Variants in LRRC4C observed in about 807,000 individuals in gnomAD.
LRRC4C encodes the protein leucine-rich repeat-containing protein 4C.
A neutral mutation model predicts 33.6 loss-of-function variants in LRRC4C; 5 were observed. The observed-to-expected ratio is 0.15, with a 90% CI of 0.08 to 0.31. The LOEUF is 0.31. Among genes scored for constraint, LRRC4C ranks in the 10% least tolerant of loss-of-function variants. The pLI is 1.00. For synonymous variants in LRRC4C, 329 were observed against 302.0 expected (o/e 1.09, Z -0.93); for missense variants, 560 against 796.7 (o/e 0.70, Z 3.58).
At chr11:40,652,230 A>C (rs1942853522) in intron 2 of LRRC4C, among the ~76,000 whole-genome samples, 1 of 152,178 alleles carries the variant, frequency 6.6e-6, no homozygotes, top group Admixed American at 6.5e-5. Flanking sequence ...GTTGCCTTGC[A>C]TGTAAGCTGC....
chr11:40,434,168 G>C (rs1185037605), intron 3 of LRRC4C, among the ~76,000 whole-genome samples: 1 of 152,088 alleles, frequency 6.6e-6, no homozygotes, highest in Non-Finnish European at 1.5e-5. Context: ...TCTACAAAAT[G>C]TTGATAATAA....
chr11:40,971,055 T>G (rs975408693), intron 1 of LRRC4C, among the ~76,000 whole-genome samples: 4 of 152,134 alleles, frequency 2.6e-5, no homozygotes. Flanking sequence ...TGTCAAAGTT[T>G]GGAAAATTTG....
At chr11:40,381,273 G>C (rs947841018) in intron 3 of LRRC4C, among the ~76,000 whole-genome samples, 6 of 150,846 alleles carry the variant, frequency 4.0e-5, no homozygotes, top group Non-Finnish European at 8.8e-5. Context: ...AGAATGCAAC[G>C]GTGGGGTCAA....
At chr11:41,104,832 T>C (rs185557751) in intron 1 of LRRC4C, among the ~76,000 whole-genome samples, 1 of 151,938 alleles carries the variant, frequency 6.6e-6, no homozygotes, top group Non-Finnish European at 1.5e-5. Flanking sequence ...ACATGCTATG[T>C]GTAAAAAGGT....
At chr11:40,874,024 A>AG (rs1954768799) in intron 2 of LRRC4C, among the ~76,000 whole-genome samples, 1 of 152,212 alleles carries the variant, frequency 6.6e-6, no homozygotes, top group Admixed American at 6.5e-5. Flanking sequence ...TTTTCTCCAG[A>AG]GGGCTAATAC....
intron 2 of LRRC4C, among the ~76,000 whole-genome samples, chr11:40,733,061 G>GTTTTTTTTTTTT (rs544471413): frequency 1.7e-5 from 1 of 57,602 alleles, no homozygotes; most frequent in Non-Finnish European, 3.0e-5. Context: ...TATGAATATA[G>GTTTTTTTTTTTT]TTTTTTTTTT....
intron 1 of LRRC4C, among the ~76,000 whole-genome samples, chr11:41,247,254 T>A (rs1948483686): frequency 6.6e-6 from 1 of 152,246 alleles, no homozygotes; most frequent in Non-Finnish European, 1.5e-5. Flanking sequence ...TTGGCTTTAA[T>A]GTCCTCCTCC....
rs145063708 is a variant in LRRC4C, at chr11:40,343,368, T to G, written c.-269-23647A>C. ...ATATATATATATATACACATAAATA[T>G]TAATTTTTGATTTAGTGGTAAATAT... On this transcript the variant is annotated intron_variant, in intron 3 of 6. Coordinates refer to ENST00000528697, the MANE Select transcript of LRRC4C (RefSeq NM_001258419.2). Among the ~76,000 whole-genome samples the G allele has an allele frequency of 6.8e-3, 1,032 of 152,156 alleles. 7 individuals carry two copies. The highest frequency in any genetic ancestry group is 9.7e-3 in the Non-Finnish European group (656 of 67,972).
chr11:40,759,760 A>G (rs1482880074), intron 2 of LRRC4C, among the ~76,000 whole-genome samples: 1 of 152,020 alleles, frequency 6.6e-6, no homozygotes, highest in Non-Finnish European at 1.5e-5. Flanking sequence ...TATCATGTTG[A>G]TATAATCTTT....
At chr11:40,254,772 GA>G (rs1298506252) in intron 4 of LRRC4C, among the ~76,000 whole-genome samples, 3 of 152,130 alleles carry the variant, frequency 2.0e-5, no homozygotes, top group African/African-American at 7.2e-5. Context: ...GAGAGAGACA[GA>G]AAGAGACAAT....
Position 41,333,282 on chromosome 11 carries a change from T to A in LRRC4C, c.-496+126149A>T, listed in dbSNP as rs147323455. ...CAAAGTAGAACACTTAGCTAAGAGGTCTTGATCTTTTTCTCCCTTAATCAT... is the reference window on the plus strand; with the variant it reads ...CAAAGTAGAACACTTAGCTAAGAGGACTTGATCTTTTTCTCCCTTAATCAT... On this transcript the variant is annotated intron_variant, in intron 1 of 6. Transcript: ENST00000528697. Among the ~76,000 whole-genome samples the A allele has an allele frequency of 2.1e-3, 316 of 152,286 alleles. 1 individual carries two copies. The highest frequency in any genetic ancestry group is 7.1e-3 in the African/African-American group (297 of 41,560).
chr11:40,469,245 G>C (rs1389538853), intron 3 of LRRC4C, among the ~76,000 whole-genome samples: 2 of 152,182 alleles, frequency 1.3e-5, no homozygotes, highest in Non-Finnish European at 1.5e-5. Context: ...CTGAAGCAGG[G>C]TGGGGTGTCA....
At chr11:41,213,255 G>A (rs1946898048) in intron 1 of LRRC4C, among the ~76,000 whole-genome samples, 1 of 152,064 alleles carries the variant, frequency 6.6e-6, no homozygotes, top group Admixed American at 6.6e-5. Flanking sequence ...TTATTATGGG[G>A]TATATGTTAA....
chr11:40,954,963 C>T (rs555656704), intron 1 of LRRC4C, among the ~76,000 whole-genome samples: 52 of 151,936 alleles, frequency 3.4e-4, no homozygotes, highest in African/African-American at 1.2e-3. Context: ...GGACCCACCT[C>T]GTGCTTTTGT....
At chr11:40,944,469 T>C (rs948159431) in intron 1 of LRRC4C, among the ~76,000 whole-genome samples, 4 of 152,222 alleles carry the variant, frequency 2.6e-5, no homozygotes, top group Admixed American at 6.6e-5. Context: ...AAAATGCTTC[T>C]GTCATTGAAA....
chr11:41,373,066 T>A (rs536401992), intron 1 of LRRC4C, among the ~76,000 whole-genome samples: 1 of 152,240 alleles, frequency 6.6e-6, no homozygotes, highest in African/African-American at 2.4e-5. Flanking sequence ...GAAAACCTAA[T>A]AACTTCTTAT....
chr11:41,137,575 A>G (rs1943321195), intron 1 of LRRC4C, among the ~76,000 whole-genome samples: 1 of 152,192 alleles, frequency 6.6e-6, no homozygotes. Flanking sequence ...TCTTTCCATC[A>G]TCAGTGACAT....
chr11:40,947,145 T>A (rs974987511), intron 1 of LRRC4C, among the ~76,000 whole-genome samples: 1 of 152,178 alleles, frequency 6.6e-6, no homozygotes, highest in African/African-American at 2.4e-5. Context: ...TTTAGAATAT[T>A]AGAGAACTGC....
At chr11:40,119,027 C>G (rs1038807289) in intron 6 of LRRC4C, among the ~76,000 whole-genome samples, 3 of 152,086 alleles carry the variant, frequency 2.0e-5, no homozygotes, top group Admixed American at 2.0e-4. Flanking sequence ...CCTTGTCTAC[C>G]ACCAAAGGCT....
Sources: gnomAD v4.1 joint callset for allele counts (sites outside exome capture counted in the v4.1 genomes callset) on GRCh38, gnomAD v4.1.1 for gene constraint, MANE v1.5 for transcripts, NCBI Gene and HGNC (gene_info 2026-07-23, HGNC 2026-07-21) for gene names.